ANKIB1: variants seen among roughly 807,000 people sequenced by gnomAD.
ANKIB1 encodes ankyrin repeat and IBR domain containing 1.
Under a neutral mutation model 122.1 loss-of-function variants are expected in ANKIB1, and 43 were observed. The ratio of observed to expected loss-of-function variants is 0.35; its 90% CI spans 0.28 to 0.45. ANKIB1 has a LOEUF of 0.45. Ranked by LOEUF, ANKIB1 falls within the 20% of genes least tolerant of loss-of-function variation. The pLI is 1.00. For synonymous variants in ANKIB1, 390 were observed against 442.0 expected, an observed-to-expected ratio of 0.88 and a Z score of 1.48; for missense variants, 992 against 1,329.5, an observed-to-expected ratio of 0.75 and a Z score of 3.95.
In ANKIB1 at chr7:92,397,857, C is replaced by T; in HGVS notation, c.2530C>T (p.Gln844Ter). 1 of 1,607,658 alleles carries T rather than the reference C, an allele frequency of 6.2e-7. No individual in the cohort carries two copies. The highest frequency in any genetic ancestry group is 8.5e-7 in the Non-Finnish European group (1 of 1,178,230). Reference sequence around the variant, plus strand: ...TCGCTCTGAAAACCAGGACTCTCTTCAGGTAGCCTTTCTGAACAGCCTCAT... The same window carrying T: ...TCGCTCTGAAAACCAGGACTCTCTTTAGGTAGCCTTTCTGAACAGCCTCAT... ...ASRSENQDSL[Q>*]ALSSLDEDDP... The change falls in exon 19 of 20, where the codon CAG (glutamine) becomes TAG (stop). Residue 844 changes from glutamine (Q) to a stop codon, truncating the protein, a stop_gained and splice_region_variant. Coordinates refer to ENST00000265742, the MANE Select transcript of ANKIB1 (RefSeq NM_019004.2). LOFTEE classifies it high-confidence loss of function.
At chr7:92,346,062 C>T (rs1803532950) in intron 7 of ANKIB1, among the ~76,000 whole-genome samples, 1 of 152,112 alleles carries the variant, frequency 6.6e-6, no homozygotes, top group South Asian at 2.1e-4. Flanking sequence ...ATCCCTGCTA[C>T]TCTTCTCTTT....
intron 11 of ANKIB1, among the ~76,000 whole-genome samples, chr7:92,385,379 G>A (rs1207501263): frequency 6.6e-6 from 1 of 152,128 alleles, no homozygotes; most frequent in East Asian, 1.9e-4. Flanking sequence ...TCCCATTACT[G>A]GGTATATACC....
chr7:92,322,049 A>C (rs932053307), intron 4 of ANKIB1, among the ~76,000 whole-genome samples: 8 of 152,246 alleles, frequency 5.3e-5, no homozygotes, highest in Middle Eastern at 3.4e-3. Context: ...GATTCTTCTG[A>C]CTTCAGGTCC....
rs187537903 is a variant in ANKIB1 at position 92,316,640 on chromosome 7, C to T, written c.487-2690C>T. ...GTCAAACTCATTAGGGAGCACCTTG[C>T]AAAGATAGTTTACCAATCATTCTCA... is the stretch of plus-strand genomic sequence containing the variant. On this transcript the variant is annotated intron_variant, in intron 3 of 19. Coordinates refer to ENST00000265742, the MANE Select transcript of ANKIB1 (RefSeq NM_019004.2). Among the ~76,000 whole-genome samples the T allele has an allele frequency of 2.3e-3, 345 of 152,306 alleles. 1 individual carries two copies. The highest frequency in any genetic ancestry group is 3.7e-3 in the Admixed American group (56 of 15,294).
rs2115730862 is a variant in ANKIB1, at chr7:92,397,854, C to A, written c.2527C>A (p.Leu843Ile). 6.2e-7 allele frequency: 1 copy of A among 1,607,780 alleles called. No homozygotes were observed. Among genetic ancestry groups the A allele is most frequent in the East Asian group, 2.3e-5 (1 of 44,376 alleles). ...PASRSENQDSLQALSSLDEDD... is the reference protein window; with the variant it reads ...PASRSENQDSIQALSSLDEDD... Reference sequence around the variant, plus strand: ...CAGTCGCTCTGAAAACCAGGACTCTCTTCAGGTAGCCTTTCTGAACAGCCT... The same window carrying A: ...CAGTCGCTCTGAAAACCAGGACTCTATTCAGGTAGCCTTTCTGAACAGCCT... The change falls in exon 19 of 20, where the codon CTT (leucine) becomes ATT (isoleucine). Residue 843 changes from leucine to isoleucine, a missense_variant. By Grantham distance (5) the Leu-to-Ile change is conservative. This residue lies in a region of ANKIB1 where 384 missense variants were observed against 412.0 expected (regional missense o/e 0.93). Coordinates refer to ENST00000265742, the MANE Select transcript of ANKIB1 (RefSeq NM_019004.2).
intron 15 of ANKIB1, 59 bp downstream of exon 15, chr7:92,390,175 C>T (rs1804756834): frequency 7.7e-7 from 1 of 1,293,832 alleles, no homozygotes; most frequent in Non-Finnish European, 1.0e-6. Flanking sequence ...CAGAATTTTT[C>T]ATTTTTGAAA....
chr7:92,257,208 GAAAAAAAGA>G (rs1463821166), intron 1 of ANKIB1, among the ~76,000 whole-genome samples: 3 of 150,574 alleles, frequency 2.0e-5, no homozygotes, highest in Admixed American at 6.6e-5. Context: ...AAAAAAGAGA[GAAAAAAAGA>G]AAAAAAAGAA....
Position 92,399,887 on chromosome 7 carries a change from A to G in ANKIB1, c.*938A>G, listed in dbSNP as rs1268073833. On this transcript the variant is annotated 3_prime_UTR_variant, in exon 20 of 20. Coordinates refer to ENST00000265742, the MANE Select transcript of ANKIB1 (RefSeq NM_019004.2). ...TTTCACAATTTTACAGTGCATTCTA[A>G]TTACTGATGGGTGCAATTACTTTTA... The G allele has an allele frequency of 6.6e-6, 1 of 152,190 alleles. No homozygotes were observed. Among genetic ancestry groups the G allele is most frequent in the Non-Finnish European group, 1.5e-5 (1 of 68,028 alleles). 9.4% of individuals were successfully genotyped at this position (152,190 alleles called of 1,614,324 possible).
rs778037263 is a variant in ANKIB1, at chr7:92,391,162, A to G, written c.2053-4A>G. On this transcript the variant is annotated splice_region_variant and splice_polypyrimidine_tract_variant and intron_variant, in intron 15 of 19. Transcript: ENST00000265742. ...GATTTTTTTTTTTTCTCTGCTTACT[A>G]TAGACAGACCTAGAAATGGTCACTG... is the stretch of plus-strand genomic sequence containing the variant. 5.6e-6 allele frequency: 9 copies of G among 1,601,808 alleles called. No individual in the cohort carries two copies. The Admixed American group carries it at 1.2e-4, about 21-fold the overall frequency.
rs59131137 is a variant in ANKIB1, at chr7:92,365,788, C to CTTTTTTTTT, written c.1486+3535_1486+3543dup. On this transcript the variant is annotated intron_variant, in intron 10 of 19. Coordinates refer to ENST00000265742, the MANE Select transcript of ANKIB1 (RefSeq NM_019004.2). ...AGAGTTATAAGATATATTAAATAAT[C>CTTTTTTTTT]TTTTTTTTTTTTTTTTTTTTTTTTT... Among the ~76,000 whole-genome samples the CTTTTTTTTT allele has an allele frequency of 3.4e-5, 2 of 58,298 alleles. 1 individual carries two copies. The highest frequency in any genetic ancestry group is 6.0e-5 in the Non-Finnish European group (2 of 33,386). The allele number at this position is 58,298 out of a possible 152,430, so 38.2% of individuals were successfully genotyped here.
intron 18 of ANKIB1, 60 bp downstream of exon 18, chr7:92,396,536 C>G: frequency 1.2e-6 from 1 of 829,094 alleles, no homozygotes; most frequent in East Asian, 2.8e-5. Context: ...ATCCTTCAAA[C>G]TGGCTGATGT....
intron 2 of ANKIB1, among the ~76,000 whole-genome samples, chr7:92,301,071 A>G (rs934154612): frequency 1.3e-5 from 2 of 152,126 alleles, no homozygotes; most frequent in Non-Finnish European, 2.9e-5. Context: ...TATATGCCAC[A>G]TATTCTTTAT....
rs548516531 is a variant in ANKIB1, at chr7:92,334,242, G to A, written c.787+6342G>A. The stretch of plus-strand genomic sequence containing the variant: ...CTTAAAACAGTTAGAATCAAAATGG[G>A]TATAATTATCCTGTATTTTGCTCAG... On this transcript the variant is annotated intron_variant, in intron 5 of 19. Transcript: ENST00000265742. Among the ~76,000 whole-genome samples the A allele has an allele frequency of 8.5e-5, 13 of 152,160 alleles. No individual in the cohort carries two copies. In the South Asian group the frequency reaches 2.5e-3, roughly 29 times the overall value.
intron 14 of ANKIB1, among the ~76,000 whole-genome samples, chr7:92,388,955 T>C (rs912342639): frequency 6.6e-6 from 1 of 152,136 alleles, no homozygotes. Flanking sequence ...ACAGTATAAA[T>C]TGAGAGGAAA....
At position 92,295,120 on chromosome 7, in the gene ANKIB1, A is replaced by T; in HGVS notation, c.142A>T (p.Thr48Ser). 1 of 1,570,916 alleles carries T rather than the reference A, an allele frequency of 6.4e-7. No homozygotes were observed. The highest frequency in any genetic ancestry group is 8.6e-7 in the Non-Finnish European group (1 of 1,156,928). Residue 48 changes from threonine to serine, a missense_variant, in exon 2 of 20, where the codon ACT (threonine) becomes TCT (serine). Around this residue, in one of 4 missense-constraint regions of ANKIB1, gnomAD observed 54 missense variants for 112.3 expected, o/e 0.48. Coordinates refer to ENST00000265742, the MANE Select transcript of ANKIB1 (RefSeq NM_019004.2). ...TTATGGGGAGCCCTACCAGCACAATACTCCATTACATTATGCTGCTAGACA... is the reference window on the plus strand; with the variant it reads ...TTATGGGGAGCCCTACCAGCACAATTCTCCATTACATTATGCTGCTAGACA... ...TSYGEPYQHNTPLHYAARHGM... is the reference protein window; with the variant it reads ...TSYGEPYQHNSPLHYAARHGM...
chr7:92,396,509 A>T (rs1436236730), intron 18 of ANKIB1, 33 bp downstream of exon 18: 1 of 1,041,674 alleles, frequency 9.6e-7, no homozygotes, highest in Admixed American at 2.5e-5. Flanking sequence ...GTTTAATCTC[A>T]TAGCTCCCCT....
chr7:92,280,143 C>G (rs1328946659), intron 1 of ANKIB1, among the ~76,000 whole-genome samples: 1 of 152,186 alleles, frequency 6.6e-6, no homozygotes, highest in Non-Finnish European at 1.5e-5. Flanking sequence ...ATTAACTGTT[C>G]TTCTTTTCAG....
intron 9 of ANKIB1, 78 bp from the exon 10 acceptor site, chr7:92,362,107 G>A (rs1376223673): frequency 1.9e-5 from 26 of 1,350,608 alleles, no homozygotes; most frequent in Non-Finnish European, 2.2e-5. Flanking sequence ...CACCACGCCC[G>A]GCCTCTACAC....
At position 92,246,264 on chromosome 7, in the gene ANKIB1, C is replaced by T. The variant is rs750809283; in HGVS notation, c.-346C>T. 5.1e-6 allele frequency: 2 copies of T among 394,046 alleles called. No homozygotes were observed. The highest frequency in any genetic ancestry group is 3.5e-5 in the South Asian group (2 of 56,686). The allele number at this position is 394,046 out of a possible 1,614,324, so 24.4% of individuals were successfully genotyped here. A position where few individuals can be genotyped will look rare whatever the true frequency, so the allele number is the denominator to read the frequency against. ...CGGCCGGAGAGGGATGGGGGGCGCC[C>T]ACCCAGTCTGAGCCTCGCCGCGGGC... On this transcript the variant is annotated 5_prime_UTR_variant, in exon 1 of 20. Coordinates refer to ENST00000265742, the MANE Select transcript of ANKIB1 (RefSeq NM_019004.2).
Sources: gnomAD v4.1 joint callset for allele counts (sites outside exome capture counted in the v4.1 genomes callset) on GRCh38, gnomAD v4.1.1 for gene constraint, gnomAD v4.1.1 regional missense constraint, MANE v1.5 for transcripts, NCBI Gene and HGNC (gene_info 2026-07-23, HGNC 2026-07-21) for gene names.